The following CDH8 variants were observed in gnomAD, a reference collection of about 807,000 sequenced individuals.
CDH8 encodes the protein cadherin 8.
A neutral mutation model predicts 68.1 loss-of-function variants in CDH8; 17 were observed. That is an observed-to-expected ratio of 0.25 (90% CI 0.17 to 0.37). The LOEUF is 0.37. CDH8 is among the 10% of genes least tolerant of loss of function. CDH8 has a pLI of 1.00. For synonymous variants in CDH8, 372 were observed against 365.1 expected, an observed-to-expected ratio of 1.02 and a Z score of -0.21; for missense variants, 763 against 999.3, an observed-to-expected ratio of 0.76 and a Z score of 3.19.
At chr16:61,787,941 T>G (rs1257555914) in intron 8 of CDH8, among the ~76,000 whole-genome samples, 2 of 78,718 alleles carry the variant, frequency 2.5e-5, no homozygotes, top group African/African-American at 4.4e-5. Context: ...GGGACTGTGG[T>G]GGGGGGGGCG....
At chr16:61,659,474 T>C (rs1176801307) in intron 10 of CDH8, among the ~76,000 whole-genome samples, 1 of 152,184 alleles carries the variant, frequency 6.6e-6, no homozygotes, top group Admixed American at 6.5e-5. Context: ...ATTCTGTTCC[T>C]AGTTACTTAC....
At chr16:61,762,186 T>C (rs1056474053) in intron 8 of CDH8, among the ~76,000 whole-genome samples, 2 of 152,136 alleles carry the variant, frequency 1.3e-5, no homozygotes, top group African/African-American at 2.4e-5. Context: ...GTGGTAAAAT[T>C]GCACAGAACT....
chr16:61,875,488 C>G (rs188815943), intron 3 of CDH8, among the ~76,000 whole-genome samples: 1 of 152,078 alleles, frequency 6.6e-6, no homozygotes, highest in Non-Finnish European at 1.5e-5. Context: ...TGAGCAGGAA[C>G]GGGACTATTA....
At chr16:61,901,138 G>A (rs769193798) in intron 3 of CDH8, 41 bp downstream of exon 3, 2 of 1,543,712 alleles carry the variant, frequency 1.3e-6, no homozygotes, top group South Asian at 2.3e-5. Context: ...CTATTCTAAA[G>A]ATGACTTTTA....
chr16:61,770,671 A>T (rs781663677), intron 8 of CDH8, among the ~76,000 whole-genome samples: 1 of 151,970 alleles, frequency 6.6e-6, no homozygotes. Context: ...ACATGGTAGT[A>T]TCTGGATTGA....
At chr16:61,718,542 G>A (rs1419198488) in intron 9 of CDH8, among the ~76,000 whole-genome samples, 2 of 151,198 alleles carry the variant, frequency 1.3e-5, no homozygotes, top group Non-Finnish European at 3.0e-5. Context: ...GGGAAGTTAC[G>A]GTCGATGAAG....
chr16:62,021,821 A>G (rs1902082596), intron 1 of CDH8, among the ~76,000 whole-genome samples: 2 of 152,156 alleles, frequency 1.3e-5, no homozygotes, highest in Admixed American at 6.6e-5. Context: ...TATGTGACCT[A>G]TCAGAAACTG....
intron 8 of CDH8, among the ~76,000 whole-genome samples, chr16:61,771,944 TACTC>T (rs1175114544): frequency 6.6e-6 from 1 of 151,984 alleles, no homozygotes; most frequent in Admixed American, 6.6e-5. Context: ...AGCCTAATGT[TACTC>T]ATTCATTGTT....
intron 3 of CDH8, among the ~76,000 whole-genome samples, chr16:61,885,836 A>G (rs1205246206): frequency 6.6e-6 from 1 of 152,176 alleles, no homozygotes; most frequent in Non-Finnish European, 1.5e-5. Context: ...AGTCTCGATC[A>G]TCTAGTTTTC....
intron 5 of CDH8, 39 bp downstream of exon 5, chr16:61,824,973 C>G (rs1330987820): frequency 1.3e-6 from 2 of 1,516,688 alleles, no homozygotes; most frequent in East Asian, 4.5e-5. Context: ...ATGGAAACAT[C>G]ATACCAAGAT....
intron 10 of CDH8, among the ~76,000 whole-genome samples, chr16:61,700,290 T>G (rs184659818): frequency 7.4e-4 from 112 of 151,658 alleles, no homozygotes; most frequent in African/African-American, 2.5e-3. Flanking sequence ...TTTTTTTTTT[T>G]TTTCTTTTGA....
chr16:61,913,484 C>A (rs894554172), intron 2 of CDH8, among the ~76,000 whole-genome samples: 1 of 152,108 alleles, frequency 6.6e-6, no homozygotes, highest in Non-Finnish European at 1.5e-5. Flanking sequence ...ACTCCTGGAA[C>A]CAACCTCTCA....
intron 2 of CDH8, among the ~76,000 whole-genome samples, chr16:61,983,233 T>C (rs1163235498): frequency 6.6e-6 from 1 of 152,226 alleles, no homozygotes; most frequent in Non-Finnish European, 1.5e-5. Context: ...GACTTGCTTT[T>C]GGCTCAACTC....
At chr16:61,907,047 C>G (rs1270561142) in intron 2 of CDH8, among the ~76,000 whole-genome samples, 1 of 152,210 alleles carries the variant, frequency 6.6e-6, no homozygotes, top group Non-Finnish European at 1.5e-5. Context: ...ATATCCTTCT[C>G]AAGGTTGCAC....
At chr16:61,803,860 T>A (rs374589279) in intron 7 of CDH8, among the ~76,000 whole-genome samples, 33 of 127,336 alleles carry the variant, frequency 2.6e-4, no homozygotes, top group Admixed American at 7.3e-4. Flanking sequence ...CTCCCACACA[T>A]TAATAATGGG....
chr16:61,817,613 C>A lies in CDH8; in HGVS notation c.1143G>T (p.Val381=), dbSNP rs771991673. 5 of 1,613,764 alleles carry A rather than the reference C, an allele frequency of 3.1e-6. No homozygotes were observed. Among genetic ancestry groups the A allele is most frequent in the Non-Finnish European group, 4.2e-6 (5 of 1,179,962 alleles). ...CCGGAGGCTCATCAGCATCTTCAAC[C>A]ACGATTTTGACTGTCGCCGTGTCTT... The part of the protein sequence containing the change: ...PFKDTATVKI[V]VEDADEPPVF... The change falls in exon 7 of 12, where the codon GTG becomes GTT. Residue 381 remains valine, a synonymous_variant. Coordinates refer to ENST00000577390, the MANE Select transcript of CDH8 (RefSeq NM_001796.5).
intron 3 of CDH8, among the ~76,000 whole-genome samples, chr16:61,899,852 AC>A (rs2032923590): frequency 1.3e-5 from 2 of 151,932 alleles, no homozygotes; most frequent in Non-Finnish European, 2.9e-5. Context: ...ACACACACAC[AC>A]ACACACACAC....
At chr16:61,687,544 T>G (rs1466649326) in intron 10 of CDH8, among the ~76,000 whole-genome samples, 2 of 152,004 alleles carry the variant, frequency 1.3e-5, no homozygotes, top group Non-Finnish European at 2.9e-5. Context: ...ATGAAGAGGA[T>G]GCTATCAATT....
chr16:61,823,801 A>T (rs1160521560), intron 5 of CDH8, among the ~76,000 whole-genome samples: 1 of 151,878 alleles, frequency 6.6e-6, no homozygotes, highest in Non-Finnish European at 1.5e-5. Flanking sequence ...TTGCTGCAGC[A>T]CTTTCCCCTG....
Sources: gnomAD v4.1 joint callset for allele counts (sites outside exome capture counted in the v4.1 genomes callset) on GRCh38, gnomAD v4.1.1 for gene constraint, MANE v1.5 for transcripts, NCBI Gene and HGNC (gene_info 2026-07-23, HGNC 2026-07-21) for gene names.